Variants in COLEC12 observed in about 807,000 individuals in gnomAD.
The protein encoded by COLEC12 is collectin-12.
COLEC12 carries 33 observed loss-of-function variants against 71.1 expected under a neutral mutation model. That is an observed-to-expected ratio of 0.46 (90% CI 0.35 to 0.62). The LOEUF is 0.62. COLEC12 is among the 20% of genes least tolerant of loss of function. COLEC12 has a pLI of 0.00. For missense variants in COLEC12, 765 were observed against 916.1 expected, an observed-to-expected ratio of 0.84 and a Z score of 2.13; for synonymous variants, 350 against 353.0, an observed-to-expected ratio of 0.99 and a Z score of 0.10.
chr18:468,320 A>T (rs16944972), intron 2 of COLEC12, among the ~76,000 whole-genome samples: 3,309 of 152,178 alleles, frequency 0.022, 90 homozygotes, highest in African/African-American at 0.073. Context: ...CTTGAATCAC[A>T]TTACATAGAT....
intron 2 of COLEC12, among the ~76,000 whole-genome samples, chr18:430,066 G>A (rs542702828): frequency 2.0e-4 from 30 of 152,204 alleles, no homozygotes; most frequent in Non-Finnish European, 3.1e-4. Flanking sequence ...AAATAAATCC[G>A]GCTGGGCGTG....
At chr18:381,323 G>C (rs1915227146) in intron 2 of COLEC12, among the ~76,000 whole-genome samples, 1 of 152,176 alleles carries the variant, frequency 6.6e-6, no homozygotes, top group African/African-American at 2.4e-5. Context: ...TCTAAAATTT[G>C]ATGTGGTTTC....
chr18:359,531 T>C (rs1161909272), intron 2 of COLEC12, among the ~76,000 whole-genome samples: 1 of 152,162 alleles, frequency 6.6e-6, no homozygotes, highest in Non-Finnish European at 1.5e-5. Context: ...AGGAGGTAAA[T>C]TTTTACTGCT....
At chr18:383,524 C>T (rs969522536) in intron 2 of COLEC12, among the ~76,000 whole-genome samples, 3 of 152,044 alleles carry the variant, frequency 2.0e-5, no homozygotes, top group Admixed American at 6.6e-5. Context: ...ACTTAAGTTA[C>T]GATTATATTG....
At chr18:464,798 T>C (rs1262034470) in intron 2 of COLEC12, among the ~76,000 whole-genome samples, 1 of 152,244 alleles carries the variant, frequency 6.6e-6, no homozygotes, top group Non-Finnish European at 1.5e-5. Context: ...CGAACTCTCA[T>C]TGTAAGGCCC....
rs144724406 is a variant in COLEC12 at position 495,472 on chromosome 18, C to G, written c.7+5036G>C. 4.7e-3 allele frequency among the ~76,000 whole-genome samples: 722 copies of G among 152,278 alleles called. 3 individuals carry two copies. Among genetic ancestry groups the G allele is most frequent in the African/African-American group, 0.017 (687 of 41,546 alleles). The stretch of plus-strand genomic sequence containing the variant: ...GGGCCGTTTTCAGAGTTGGTGGCTA[C>G]AGTGGGCCATCCACATTCATTCAAT... On this transcript the variant is annotated intron_variant, in intron 1 of 9. Transcript: ENST00000400256.
chr18:480,791 G>C lies in COLEC12; in HGVS notation c.8-34C>G. ...GAAGAAGAGACACGATGTTAATCCTGGCAAGGGGCACAGAAGCAGAGGGTG... is the reference window on the plus strand; with the variant it reads ...GAAGAAGAGACACGATGTTAATCCTCGCAAGGGGCACAGAAGCAGAGGGTG... On this transcript the variant is annotated intron_variant, in intron 1 of 9. Transcript: ENST00000400256. This position sits in a 1 kb window ranked among gnomAD's most constrained non-coding sequence, Gnocchi z 4.1. 6.3e-7 allele frequency: 1 copy of C among 1,594,388 alleles called. No homozygotes were observed. The highest frequency in any genetic ancestry group is 8.6e-7 in the Non-Finnish European group (1 of 1,161,918).
At chr18:337,497 T>C (rs1352502224) in intron 5 of COLEC12, among the ~76,000 whole-genome samples, 4 of 152,214 alleles carry the variant, frequency 2.6e-5, no homozygotes, top group Non-Finnish European at 4.4e-5. Flanking sequence ...TGCTCACAGA[T>C]TTATAAGCAG....
chr18:340,155 G>C (rs56124500), intron 5 of COLEC12, among the ~76,000 whole-genome samples: 17,638 of 150,570 alleles, frequency 0.12, 1,122 homozygotes, highest in South Asian at 0.17. Context: ...TGAGAAAACA[G>C]CAACGCCGCA....
chr18:500,503 C>G lies in COLEC12; in HGVS notation c.7+5G>C. ...CAGAGCCCCGCGGAGCTGCCGCCGC[C>G]CTACCTTTCATGGTGACCGTGGGGA... is the stretch of plus-strand genomic sequence containing the variant. On this transcript the variant is annotated splice_donor_5th_base_variant and intron_variant, in intron 1 of 9. Transcript: ENST00000400256. The surrounding 1 kb of genome is among the most constrained non-coding windows in gnomAD (Gnocchi z 5.3). 1 of 1,230,088 alleles carries G rather than the reference C, an allele frequency of 8.1e-7. No individual in the cohort carries two copies. The highest frequency in any genetic ancestry group is 1.0e-6 in the Non-Finnish European group (1 of 986,320). 76.2% of individuals were successfully genotyped at this position (1,230,088 alleles called of 1,614,324 possible).
chr18:324,973 G>A (rs553369782), intron 8 of COLEC12, among the ~76,000 whole-genome samples: 12 of 152,232 alleles, frequency 7.9e-5, no homozygotes, highest in African/African-American at 2.4e-4. Context: ...AGGATCACTC[G>A]AGGCCAGGAG....
chr18:323,624 G>A (rs975735549), intron 8 of COLEC12, among the ~76,000 whole-genome samples: 1 of 152,196 alleles, frequency 6.6e-6, no homozygotes, highest in African/African-American at 2.4e-5. Context: ...GATTCTTCTG[G>A]AGATGTCAAC....
At chr18:440,202 G>C (rs767971727) in intron 2 of COLEC12, among the ~76,000 whole-genome samples, 105 of 152,286 alleles carry the variant, frequency 6.9e-4, no homozygotes, top group Non-Finnish European at 1.2e-3. Context: ...TGCGACATGG[G>C]ATGGGGAATG....
chr18:348,276 C>CA, intron 3 of COLEC12, 113 bp from the exon 4 acceptor site: 1 of 637,276 alleles, frequency 1.6e-6, no homozygotes. Context: ...TGAACGAAAA[C>CA]AGTGTAACTG....
intron 2 of COLEC12, among the ~76,000 whole-genome samples, chr18:386,168 T>C (rs1915341995): frequency 6.6e-6 from 1 of 152,188 alleles, no homozygotes; most frequent in African/African-American, 2.4e-5. Context: ...TACAGAATTA[T>C]TGAGCTTCCT....
At chr18:405,547 T>G (rs963809833) in intron 2 of COLEC12, among the ~76,000 whole-genome samples, 1 of 152,130 alleles carries the variant, frequency 6.6e-6, no homozygotes, top group Non-Finnish European at 1.5e-5. Context: ...GGCTGACACT[T>G]ATAGAAAATA....
At chr18:428,192 A>C (rs1211059128) in intron 2 of COLEC12, among the ~76,000 whole-genome samples, 9 of 151,668 alleles carry the variant, frequency 5.9e-5, no homozygotes, top group Admixed American at 1.3e-4. Context: ...TGAACCCAAG[A>C]GGTGGAGGTT....
chr18:433,362 GC>G (rs1204397047), intron 2 of COLEC12, among the ~76,000 whole-genome samples: 1 of 152,124 alleles, frequency 6.6e-6, no homozygotes, highest in Admixed American at 6.5e-5. Context: ...TAGAAAGGCT[GC>G]CCTTTAGTTT....
chr18:452,657 T>C (rs1916785501), intron 2 of COLEC12, among the ~76,000 whole-genome samples: 7 of 152,234 alleles, frequency 4.6e-5, no homozygotes, highest in Admixed American at 4.6e-4. Flanking sequence ...CAGCTGCTAT[T>C]ACCCCAACAA....
Sources: allele counts gnomAD v4.1 joint callset (sites outside exome capture counted in the v4.1 genomes callset), GRCh38; gene constraint gnomAD v4.1.1; non-coding constraint Gnocchi (gnomAD v3.1); transcripts MANE v1.5; gene names NCBI Gene and HGNC (gene_info 2026-07-23, HGNC 2026-07-21).